UNC5D: variants seen among roughly 807,000 people sequenced by gnomAD.
The protein encoded by UNC5D is unc-5 netrin receptor D.
A neutral mutation model predicts 105.4 loss-of-function variants in UNC5D; 39 were observed. The ratio of observed to expected loss-of-function variants is 0.37; its 90% CI spans 0.29 to 0.48. UNC5D has a LOEUF of 0.48. Among genes scored for constraint, UNC5D ranks in the 20% least tolerant of loss-of-function variants. The pLI is 0.98. For synonymous variants in UNC5D, 452 were observed against 450.4 expected (o/e 1.00, Z -0.04); for missense variants, 991 against 1,202.4 (o/e 0.82, Z 2.60).
At chr8:35,761,036 C>CT (rs1167410354) in intron 14 of UNC5D, among the ~76,000 whole-genome samples, 29 of 151,290 alleles carry the variant, frequency 1.9e-4, no homozygotes, top group Non-Finnish European at 8.9e-5. Flanking sequence ...CCCCTGAACA[C>CT]TTTTTTTTTC....
At chr8:35,401,387 G>A (rs1290853584) in intron 1 of UNC5D, among the ~76,000 whole-genome samples, 1 of 152,192 alleles carries the variant, frequency 6.6e-6, no homozygotes, top group African/African-American at 2.4e-5. Context: ...AGGAAAGTGA[G>A]GCATGAGAAT....
At chr8:35,628,908 A>G (rs1821858794) in intron 4 of UNC5D, among the ~76,000 whole-genome samples, 1 of 152,240 alleles carries the variant, frequency 6.6e-6, no homozygotes, top group African/African-American at 2.4e-5. Context: ...ATAATTATAT[A>G]GGCTTATCCA....
chr8:35,419,119 T>C (rs1805720279), intron 1 of UNC5D, among the ~76,000 whole-genome samples: 2 of 152,230 alleles, frequency 1.3e-5, no homozygotes, highest in African/African-American at 2.4e-5. Context: ...AACTGGCTCA[T>C]TAACACCACT....
chr8:35,246,335 G>A (rs1427989504), intron 1 of UNC5D, among the ~76,000 whole-genome samples: 1 of 152,126 alleles, frequency 6.6e-6, no homozygotes, highest in African/African-American at 2.4e-5. Flanking sequence ...ACAAGTTAAT[G>A]GGACTTCATA....
intron 1 of UNC5D, among the ~76,000 whole-genome samples, chr8:35,340,336 G>A (rs1811371878): frequency 6.6e-6 from 1 of 152,142 alleles, no homozygotes. Context: ...ACTCAGGGAG[G>A]AACACTGTAA....
At chr8:35,452,353 C>A (rs1490794058) in intron 1 of UNC5D, among the ~76,000 whole-genome samples, 1 of 152,124 alleles carries the variant, frequency 6.6e-6, no homozygotes, top group Non-Finnish European at 1.5e-5. Flanking sequence ...CCATCTCCAC[C>A]TCCCAGGTTC....
intron 1 of UNC5D, among the ~76,000 whole-genome samples, chr8:35,354,350 G>A (rs1801433802): frequency 1.3e-5 from 2 of 152,054 alleles, no homozygotes; most frequent in South Asian, 2.1e-4. Context: ...AGAAACCTCA[G>A]GGGAGAATTT....
chr8:35,611,429 C>T (rs1251030230), intron 4 of UNC5D, among the ~76,000 whole-genome samples: 1 of 152,084 alleles, frequency 6.6e-6, no homozygotes, highest in Non-Finnish European at 1.5e-5. Context: ...TTCAACTTAC[C>T]ACCATTGAAG....
intron 1 of UNC5D, among the ~76,000 whole-genome samples, chr8:35,266,313 A>G (rs570645917): frequency 2.4e-4 from 37 of 152,232 alleles, no homozygotes; most frequent in Non-Finnish European, 3.8e-4. Context: ...ATAGCATTCA[A>G]TTGAAATGTA....
At position 35,726,864 on chromosome 8, in the gene UNC5D, C is replaced by A. The variant is rs1354558951; in HGVS notation, c.1681+335C>A. 1.0e-5 allele frequency: 3 copies of A among 298,472 alleles called. 1 individual carries two copies. In the South Asian group the frequency reaches 1.8e-4, roughly 18 times the overall value. The allele number at this position is 298,472 out of a possible 1,614,324, so 18.5% of individuals were successfully genotyped here. The stretch of plus-strand genomic sequence containing the variant: ...ATGATAAGAAAGCACTGAAAAAATT[C>A]TCTGGCATGACAGACCAGGGCCCCA... On this transcript the variant is annotated intron_variant, in intron 10 of 16. Transcript: ENST00000404895.
intron 1 of UNC5D, among the ~76,000 whole-genome samples, chr8:35,521,507 A>G: frequency 6.6e-6 from 1 of 152,210 alleles, no homozygotes; most frequent in African/African-American, 2.4e-5. Context: ...GTCTCAAATA[A>G]CATAGAAAGA....
intron 7 of UNC5D, among the ~76,000 whole-genome samples, chr8:35,696,724 C>T (rs1440643439): frequency 2.0e-5 from 3 of 152,134 alleles, no homozygotes; most frequent in Non-Finnish European, 2.9e-5. Flanking sequence ...AAGATCATTA[C>T]GAAAGGTGAT....
intron 4 of UNC5D, among the ~76,000 whole-genome samples, chr8:35,610,629 G>A (rs924287945): frequency 2.0e-5 from 3 of 152,214 alleles, no homozygotes. Context: ...AAGAGGCCAT[G>A]TAGAAGAAAA....
chr8:35,392,842 G>T (rs188423013), intron 1 of UNC5D, among the ~76,000 whole-genome samples: 3 of 152,242 alleles, frequency 2.0e-5, no homozygotes, highest in East Asian at 3.9e-4. Context: ...CACTAGAATG[G>T]CTATCTCATG....
At chr8:35,589,055 A>AT (rs1290442530) in intron 3 of UNC5D, among the ~76,000 whole-genome samples, 2 of 152,002 alleles carry the variant, frequency 1.3e-5, no homozygotes. Context: ...AAAAAAAAAA[A>AT]GGATTACCTG....
intron 1 of UNC5D, among the ~76,000 whole-genome samples, chr8:35,350,485 A>G (rs756038872): frequency 2.6e-5 from 4 of 151,982 alleles, no homozygotes; most frequent in African/African-American, 4.8e-5. Context: ...TGTTTGAATA[A>G]TTTTCATGAA....
intron 1 of UNC5D, among the ~76,000 whole-genome samples, chr8:35,332,882 C>A (rs1810731302): frequency 6.6e-6 from 1 of 152,184 alleles, no homozygotes; most frequent in Admixed American, 6.5e-5. Flanking sequence ...TTTAACTGTG[C>A]AAACATAGCT....
Position 35,683,638 on chromosome 8 carries a change from C to T in UNC5D, c.662C>T (p.Ala221Val). The T allele has an allele frequency of 1.9e-6, 3 of 1,581,946 alleles. No individual in the cohort carries two copies. The highest frequency in any genetic ancestry group is 2.6e-6 in the Non-Finnish European group (3 of 1,168,912). The part of the protein sequence containing the change: ...RADHNLIIRQ[A>V]RLSDSGNYTC... Reference sequence around the variant, plus strand: ...GACCATAACCTGATCATCAGGCAGGCACGGCTCTCGGACTCAGGAAATTAC... The same window carrying T: ...GACCATAACCTGATCATCAGGCAGGTACGGCTCTCGGACTCAGGAAATTAC... Residue 221 changes from alanine to valine, a missense_variant, in exon 5 of 17, where the codon GCA (alanine) becomes GTA (valine). Physicochemically the swap from Ala to Val is moderately conservative, Grantham distance 64. This residue lies in a region of UNC5D where 944 missense variants were observed against 1,131.6 expected (regional missense o/e 0.83). Transcript: ENST00000404895.
In UNC5D at chr8:35,726,370, A is replaced by T. The variant is rs746018559; in HGVS notation, c.1522A>T (p.Arg508Trp). ...RAEYHGKNHSRTFPHGNNHSF... is the reference protein window; with the variant it reads ...RAEYHGKNHSWTFPHGNNHSF... The stretch of plus-strand genomic sequence containing the variant: ...TGAGTACCACGGCAAGAATCATTCC[A>T]GGACTTTTCCCCATGGAAACAACCA... The change falls in exon 10 of 17, where the codon AGG becomes TGG. Residue 508 changes from arginine to tryptophan, a missense_variant. Transcript: ENST00000404895. 6.2e-6 allele frequency: 10 copies of T among 1,614,154 alleles called. No individual in the cohort carries two copies. The highest frequency in any genetic ancestry group is 8.5e-6 in the Non-Finnish European group (10 of 1,180,020).
Sources: gnomAD v4.1 joint callset for allele counts (sites outside exome capture counted in the v4.1 genomes callset) on GRCh38, gnomAD v4.1.1 for gene constraint, gnomAD v4.1.1 regional missense constraint, MANE v1.5 for transcripts, NCBI Gene and HGNC (gene_info 2026-07-23, HGNC 2026-07-21) for gene names.